APBB2: variants seen among roughly 807,000 people sequenced by gnomAD.
APBB2 encodes the protein amyloid beta precursor protein binding family B member 2.
APBB2 carries 38 observed loss-of-function variants against 82.5 expected under a neutral mutation model. The ratio of observed to expected loss-of-function variants is 0.46; its 90% CI spans 0.36 to 0.60. The LOEUF is 0.60. Among genes scored for constraint, APBB2 ranks in the 20% least tolerant of loss-of-function variants. APBB2 has a pLI of 0.00. For missense variants in APBB2, 772 were observed against 972.3 expected, an observed-to-expected ratio of 0.79 and a Z score of 2.74; for synonymous variants, 341 against 368.2, an observed-to-expected ratio of 0.93 and a Z score of 0.85.
intron 12 of APBB2, among the ~76,000 whole-genome samples, chr4:40,866,074 C>T (rs1014571434): frequency 6.6e-6 from 1 of 152,216 alleles, no homozygotes; most frequent in African/African-American, 2.4e-5. Context: ...AGCGTGCTGT[C>T]ACCCTACAAC....
At chr4:41,011,822 G>A (rs1808455971) in intron 6 of APBB2, among the ~76,000 whole-genome samples, 1 of 152,160 alleles carries the variant, frequency 6.6e-6, no homozygotes, top group Admixed American at 6.5e-5. Flanking sequence ...GGGAAAGGGG[G>A]CTGGGGTGAA....
At chr4:40,823,851 C>T in intron 15 of APBB2, 92 bp from the exon 16 acceptor site, 2 of 769,282 alleles carry the variant, frequency 2.6e-6, no homozygotes, top group South Asian at 1.4e-5. Flanking sequence ...TACGCCCAGA[C>T]TGATCTTTTT....
At chr4:41,021,219 C>T (rs181044831) in intron 5 of APBB2, among the ~76,000 whole-genome samples, 7 of 152,334 alleles carry the variant, frequency 4.6e-5, no homozygotes, top group Non-Finnish European at 1.0e-4. Context: ...TTTCACTGGC[C>T]TAAAGAGTTC....
At chr4:41,164,888 G>C (rs183112420) in intron 1 of APBB2, among the ~76,000 whole-genome samples, 4 of 152,210 alleles carry the variant, frequency 2.6e-5, no homozygotes, top group Non-Finnish European at 5.9e-5. Context: ...ACTAAATCCA[G>C]GTGTTTAAGT....
At chr4:41,191,773 GACTACATCAA>G (rs1436101144) in intron 1 of APBB2, among the ~76,000 whole-genome samples, 6 of 152,098 alleles carry the variant, frequency 3.9e-5, no homozygotes, top group Non-Finnish European at 8.8e-5. Flanking sequence ...TAATAAATGG[GACTACATCAA>G]ACTACATCAA....
intron 1 of APBB2, among the ~76,000 whole-genome samples, chr4:41,145,759 C>A (rs1009878643): frequency 5.3e-5 from 8 of 152,298 alleles, no homozygotes; most frequent in African/African-American, 1.9e-4. Context: ...TAAAACTACA[C>A]TTGCACCAAG....
intron 1 of APBB2, among the ~76,000 whole-genome samples, chr4:41,181,784 A>G (rs566105181): frequency 6.6e-6 from 1 of 152,108 alleles, no homozygotes; most frequent in East Asian, 1.9e-4. Flanking sequence ...TGTCTCTACT[A>G]AAAATACAAA....
intron 6 of APBB2, among the ~76,000 whole-genome samples, chr4:41,007,414 A>G (rs1259559781): frequency 6.6e-6 from 1 of 152,132 alleles, no homozygotes; most frequent in African/African-American, 2.4e-5. Flanking sequence ...GTATTTCGTT[A>G]TAGCAACAGA....
chr4:40,875,486 A>G (rs1766652386), intron 12 of APBB2, among the ~76,000 whole-genome samples: 1 of 152,242 alleles, frequency 6.6e-6, no homozygotes, highest in South Asian at 2.1e-4. Flanking sequence ...AATTAATTTC[A>G]ATATTTTATT....
At chr4:41,175,115 A>G (rs1412271311) in intron 1 of APBB2, among the ~76,000 whole-genome samples, 1 of 152,212 alleles carries the variant, frequency 6.6e-6, no homozygotes, top group African/African-American at 2.4e-5. Context: ...AACCCAGCCT[A>G]GTTAGATAGG....
At chr4:41,118,619 G>A (rs1416237543) in intron 2 of APBB2, among the ~76,000 whole-genome samples, 4 of 152,144 alleles carry the variant, frequency 2.6e-5, no homozygotes, top group East Asian at 3.8e-4. Context: ...TATCACTGAT[G>A]GTGATTTATT....
chr4:40,940,268 G>A (rs888136315), intron 7 of APBB2, among the ~76,000 whole-genome samples: 3 of 152,112 alleles, frequency 2.0e-5, no homozygotes, highest in Non-Finnish European at 2.9e-5. Flanking sequence ...TTGAGGAAGG[G>A]ACATGCAAAT....
intron 4 of APBB2, among the ~76,000 whole-genome samples, chr4:41,055,183 C>T (rs1727406924): frequency 6.6e-6 from 1 of 152,212 alleles, no homozygotes; most frequent in Non-Finnish European, 1.5e-5. Flanking sequence ...CCCCATGCTT[C>T]AGATTGCAGC....
chr4:40,893,258 C>T lies in APBB2; in HGVS notation c.1401+7G>A. 1 of 1,612,490 alleles carries T rather than the reference C, an allele frequency of 6.2e-7. No homozygotes were observed. Among genetic ancestry groups the T allele is most frequent in the Non-Finnish European group, 8.5e-7 (1 of 1,179,356 alleles). ...GCCTGCCGTGCATCATTCTACATGCCACTTACCTCTCCCCAAATCCCGACT... is the reference window on the plus strand; with the variant it reads ...GCCTGCCGTGCATCATTCTACATGCTACTTACCTCTCCCCAAATCCCGACT... On this transcript the variant is annotated splice_region_variant and intron_variant, in intron 11 of 17. Transcript: ENST00000508593.
chr4:40,925,384 A>G (rs1325680303), intron 10 of APBB2, among the ~76,000 whole-genome samples: 1 of 152,218 alleles, frequency 6.6e-6, no homozygotes, highest in African/African-American at 2.4e-5. Flanking sequence ...CATTTTGCAG[A>G]TGAAGAAACT....
chr4:40,843,713 A>T (rs1314183509), intron 12 of APBB2, among the ~76,000 whole-genome samples: 1 of 152,228 alleles, frequency 6.6e-6, no homozygotes, highest in Non-Finnish European at 1.5e-5. Flanking sequence ...AATATTAATG[A>T]TTACAGTAAC....
intron 10 of APBB2, among the ~76,000 whole-genome samples, chr4:40,932,025 T>C (rs1212393021): frequency 3.9e-5 from 6 of 152,134 alleles, no homozygotes; most frequent in Non-Finnish European, 8.8e-5. Context: ...AGATAAAGAA[T>C]TCAGTAAGCA....
chr4:40,830,718 C>T, intron 12 of APBB2, 141 bp from the exon 13 acceptor site: 1 of 604,312 alleles, frequency 1.7e-6, no homozygotes, highest in Non-Finnish European at 3.0e-6. Flanking sequence ...AATTAAATTA[C>T]AATAGCTTCC....
At chr4:41,064,353 G>GA (rs1730961011) in intron 4 of APBB2, among the ~76,000 whole-genome samples, 1 of 151,988 alleles carries the variant, frequency 6.6e-6, no homozygotes, top group Non-Finnish European at 1.5e-5. Context: ...TTCCTATAAA[G>GA]AAAAAAACTG....
Sources: gnomAD v4.1 joint callset for allele counts (sites outside exome capture counted in the v4.1 genomes callset) on GRCh38, gnomAD v4.1.1 for gene constraint, MANE v1.5 for transcripts, NCBI Gene and HGNC (gene_info 2026-07-23, HGNC 2026-07-21) for gene names.